Variants in SLC9A9 observed in about 807,000 individuals in gnomAD.
SLC9A9 encodes sodium/hydrogen exchanger 9.
In SLC9A9, 62 loss-of-function variants were observed where a neutral mutation model predicts 77.8. The ratio of observed to expected loss-of-function variants is 0.80; its 90% CI spans 0.65 to 0.98. SLC9A9 has a LOEUF of 0.98. Among genes scored for constraint, SLC9A9 ranks in the 50% least tolerant of loss-of-function variants. The pLI is 0.00. For missense variants in SLC9A9, 775 were observed against 774.9 expected, an observed-to-expected ratio of 1.00 and a Z score of 0.00; for synonymous variants, 320 against 283.5, an observed-to-expected ratio of 1.13 and a Z score of -1.29.
At chr3:143,533,714 T>C (rs749750962) in intron 9 of SLC9A9, among the ~76,000 whole-genome samples, 4 of 152,216 alleles carry the variant, frequency 2.6e-5, no homozygotes, top group Non-Finnish European at 4.4e-5. Flanking sequence ...AGAATTTAAA[T>C]AGGCCATTGT....
chr3:143,435,678 T>C (rs1165946249), intron 12 of SLC9A9, among the ~76,000 whole-genome samples: 1 of 152,136 alleles, frequency 6.6e-6, no homozygotes, highest in Non-Finnish European at 1.5e-5. Flanking sequence ...TTGGGTGATA[T>C]GGGGCCTTGG....
intron 9 of SLC9A9, among the ~76,000 whole-genome samples, chr3:143,546,377 A>G (rs868403679): frequency 6.6e-6 from 1 of 152,228 alleles, no homozygotes; most frequent in Non-Finnish European, 1.5e-5. Context: ...TAAATGCTAG[A>G]CAAAGAATCT....
chr3:143,819,855 T>C (rs1355468673), intron 2 of SLC9A9, among the ~76,000 whole-genome samples: 1 of 152,240 alleles, frequency 6.6e-6, no homozygotes, highest in Non-Finnish European at 1.5e-5. Context: ...AGTTAAGTAT[T>C]TGTGCACACC....
intron 6 of SLC9A9, among the ~76,000 whole-genome samples, chr3:143,622,703 T>G (rs572432783): frequency 5.3e-5 from 8 of 152,182 alleles, no homozygotes; most frequent in African/African-American, 1.9e-4. Flanking sequence ...AGAAACTGCA[T>G]CAACTAACAA....
intron 12 of SLC9A9, among the ~76,000 whole-genome samples, chr3:143,464,208 G>A (rs772319808): frequency 3.9e-5 from 6 of 152,154 alleles, no homozygotes; most frequent in South Asian, 2.1e-4. Flanking sequence ...TACTTACTTC[G>A]TGGTGTTTTT....
At chr3:143,788,128 AG>A (rs142880048) in intron 4 of SLC9A9, among the ~76,000 whole-genome samples, 1,852 of 81,636 alleles carry the variant, frequency 0.023, 22 homozygotes, top group African/African-American at 0.078. Context: ...GAGAAAAGGC[AG>A]GGCCATACAA....
At chr3:143,354,197 T>G (rs1245854083) in intron 14 of SLC9A9, among the ~76,000 whole-genome samples, 1 of 152,204 alleles carries the variant, frequency 6.6e-6, no homozygotes, top group Non-Finnish European at 1.5e-5. Flanking sequence ...AAGCTCTTCC[T>G]CCCTTCTCAT....
chr3:143,539,375 A>C (rs974878340), intron 9 of SLC9A9, among the ~76,000 whole-genome samples: 1 of 152,222 alleles, frequency 6.6e-6, no homozygotes, highest in African/African-American at 2.4e-5. Flanking sequence ...GAATTGCACA[A>C]AGACTTAACG....
At chr3:143,685,740 T>C (rs1264537053) in intron 5 of SLC9A9, among the ~76,000 whole-genome samples, 2 of 152,196 alleles carry the variant, frequency 1.3e-5, no homozygotes, top group African/African-American at 4.8e-5. Context: ...TGCAATGTGC[T>C]GAGTTCTTCC....
chr3:143,622,071 A>C (rs1362677469), intron 6 of SLC9A9, among the ~76,000 whole-genome samples: 2 of 152,244 alleles, frequency 1.3e-5, no homozygotes, highest in Non-Finnish European at 2.9e-5. Flanking sequence ...GAGAAAAAAG[A>C]ATAAAAAGAA....
chr3:143,515,728 T>C (rs936107382), intron 9 of SLC9A9, among the ~76,000 whole-genome samples: 4 of 152,250 alleles, frequency 2.6e-5, no homozygotes, highest in African/African-American at 9.6e-5. Flanking sequence ...CTTATATTCC[T>C]GGGATAAATG....
intron 9 of SLC9A9, among the ~76,000 whole-genome samples, chr3:143,546,363 C>T (rs1456313610): frequency 6.6e-6 from 1 of 152,102 alleles, no homozygotes; most frequent in Admixed American, 6.6e-5. Context: ...TCATTGTTTG[C>T]CCATAAATGC....
intron 12 of SLC9A9, among the ~76,000 whole-genome samples, chr3:143,434,907 C>T (rs1308284943): frequency 6.6e-6 from 1 of 152,108 alleles, no homozygotes; most frequent in African/African-American, 2.4e-5. Context: ...TGTGGTCCAC[C>T]CCACGAGCCC....
intron 11 of SLC9A9, among the ~76,000 whole-genome samples, chr3:143,478,372 C>T (rs1308211907): frequency 6.6e-6 from 1 of 152,178 alleles, no homozygotes; most frequent in Non-Finnish European, 1.5e-5. Context: ...AGGCAGGGCA[C>T]ACACTTGCCC....
chr3:143,409,942 T>C (rs1183803411), intron 12 of SLC9A9, among the ~76,000 whole-genome samples: 1 of 152,220 alleles, frequency 6.6e-6, no homozygotes, highest in African/African-American at 2.4e-5. Context: ...CAGTTGAATT[T>C]AACAGTCATT....
At chr3:143,391,691 TA>T (rs2033570457) in intron 12 of SLC9A9, among the ~76,000 whole-genome samples, 1 of 152,188 alleles carries the variant, frequency 6.6e-6, no homozygotes, top group African/African-American at 2.4e-5. Context: ...GCAAAGAAGC[TA>T]AAAACTTTGA....
At chr3:143,494,739 C>A (rs962955928) in intron 10 of SLC9A9, among the ~76,000 whole-genome samples, 2 of 152,166 alleles carry the variant, frequency 1.3e-5, no homozygotes, top group African/African-American at 4.8e-5. Context: ...GCTAGGAAAA[C>A]CCCCTGCATT....
chr3:143,368,957 T>G (rs755374689), intron 13 of SLC9A9, among the ~76,000 whole-genome samples: 19 of 152,216 alleles, frequency 1.2e-4, no homozygotes, highest in Admixed American at 5.2e-4. Flanking sequence ...TATAAAAATA[T>G]TCTCACCTTC....
chr3:143,397,884 T>C (rs189193946), intron 12 of SLC9A9, among the ~76,000 whole-genome samples: 4 of 152,280 alleles, frequency 2.6e-5, no homozygotes, highest in Admixed American at 2.0e-4. Flanking sequence ...GGGGAATGCA[T>C]AGAACATATA....
Sources: allele counts gnomAD v4.1 joint callset (sites outside exome capture counted in the v4.1 genomes callset), GRCh38; gene constraint gnomAD v4.1.1; transcripts MANE v1.5; gene names NCBI Gene and HGNC (gene_info 2026-07-23, HGNC 2026-07-21).